Variants in EIF2AK4 observed in about 807,000 individuals in gnomAD.
EIF2AK4 encodes the protein eukaryotic translation initiation factor 2 alpha kinase 4, also known as eIF-2-alpha kinase GCN2.
Under a neutral mutation model 211.1 loss-of-function variants are expected in EIF2AK4, and 139 were observed. The ratio of observed to expected loss-of-function variants is 0.66; its 90% CI spans 0.57 to 0.76. The LOEUF is 0.76. EIF2AK4 is among the 30% of genes least tolerant of loss of function. The pLI is 0.00. For synonymous variants in EIF2AK4, 710 were observed against 751.3 expected (o/e 0.94, Z 0.90); for missense variants, 1,664 against 2,043.8 (o/e 0.81, Z 3.58).
At chr15:40,015,523 CAT>C (rs748239940) in intron 27 of EIF2AK4, among the ~76,000 whole-genome samples, 1 of 152,160 alleles carries the variant, frequency 6.6e-6, no homozygotes, top group South Asian at 2.1e-4. Context: ...GACCCGCCCA[CAT>C]GATTCAGTTA....
At chr15:39,934,901 T>C (rs1179202133) in intron 1 of EIF2AK4, among the ~76,000 whole-genome samples, 1 of 152,186 alleles carries the variant, frequency 6.6e-6, no homozygotes, top group African/African-American at 2.4e-5. Flanking sequence ...CTAAGACATT[T>C]AGCTCAGAAT....
At chr15:39,951,923 G>A (rs1001742789) in intron 4 of EIF2AK4, among the ~76,000 whole-genome samples, 11 of 152,146 alleles carry the variant, frequency 7.2e-5, no homozygotes, top group African/African-American at 2.4e-4. Flanking sequence ...CCTATACTAC[G>A]TTCTATTTGT....
At chr15:39,978,536 A>T (rs1233781113) in intron 13 of EIF2AK4, among the ~76,000 whole-genome samples, 1 of 152,216 alleles carries the variant, frequency 6.6e-6, no homozygotes, top group East Asian at 1.9e-4. Context: ...ACGTCAATTA[A>T]TCTTGATTCC....
At chr15:39,988,249 T>C (rs2034893971) in intron 15 of EIF2AK4, 144 bp downstream of exon 15, 3 of 864,092 alleles carry the variant, frequency 3.5e-6, no homozygotes, top group Non-Finnish European at 5.3e-6. Flanking sequence ...TTGTAGGAAA[T>C]AGAACAAAGT....
chr15:39,943,294 G>C (rs1313681425), intron 2 of EIF2AK4, 89 bp from the exon 3 acceptor site: 5 of 1,020,090 alleles, frequency 4.9e-6, no homozygotes, highest in Non-Finnish European at 6.8e-6. Flanking sequence ...CTTGGGCCCA[G>C]AGTGCTTTCA....
intron 23 of EIF2AK4, among the ~76,000 whole-genome samples, chr15:40,006,783 A>G (rs2035167694): frequency 6.6e-6 from 1 of 152,236 alleles, no homozygotes; most frequent in Admixed American, 6.5e-5. Context: ...GCCACAGTGA[A>G]TAAGGTTGAT....
chr15:40,008,511 C>T (rs1224364492), intron 25 of EIF2AK4, among the ~76,000 whole-genome samples: 1 of 152,122 alleles, frequency 6.6e-6, no homozygotes, highest in Non-Finnish European at 1.5e-5. Context: ...TGGCTCTATC[C>T]TACACCCGAT....
chr15:39,969,174 A>G (rs142095397), intron 9 of EIF2AK4, among the ~76,000 whole-genome samples: 1 of 152,102 alleles, frequency 6.6e-6, no homozygotes, highest in Non-Finnish European at 1.5e-5. Flanking sequence ...TAATTTAGTC[A>G]AGGTTAGCAA....
intron 9 of EIF2AK4, among the ~76,000 whole-genome samples, chr15:39,970,656 G>T (rs1595400823): frequency 6.6e-6 from 1 of 152,090 alleles, no homozygotes; most frequent in Admixed American, 6.6e-5. Flanking sequence ...ATACTATTTT[G>T]TTTGGATGGT....
chr15:40,014,088 G>A (rs1198161995), intron 27 of EIF2AK4, among the ~76,000 whole-genome samples: 3 of 152,260 alleles, frequency 2.0e-5, no homozygotes, highest in Non-Finnish European at 4.4e-5. Context: ...CAGCAGGGCA[G>A]TCAAATCTGA....
chr15:39,973,083 C>T (rs1407491196), intron 10 of EIF2AK4, 69 bp downstream of exon 10: 18 of 1,306,266 alleles, frequency 1.4e-5, no homozygotes, highest in Non-Finnish European at 2.0e-5. Flanking sequence ...TATACATAAA[C>T]CAAAAACTGG....
At chr15:40,029,357 T>C in intron 33 of EIF2AK4, 49 bp from the exon 34 acceptor site, 1 of 1,606,832 alleles carries the variant, frequency 6.2e-7, no homozygotes, top group Non-Finnish European at 8.5e-7. Context: ...TATGTGTTGC[T>C]TGTGCCTTAT....
chr15:39,951,568 A>T (rs1477333431), intron 4 of EIF2AK4: 2 of 328,484 alleles, frequency 6.1e-6, no homozygotes, highest in Admixed American at 8.1e-5. Flanking sequence ...AATTTCTCTC[A>T]CCAGATGCTG....
chr15:40,014,027 G>C (rs758843133), intron 27 of EIF2AK4, among the ~76,000 whole-genome samples: 1 of 152,228 alleles, frequency 6.6e-6, no homozygotes, highest in Non-Finnish European at 1.5e-5. Context: ...TTCCAAATGG[G>C]AGAAATTGGC....
intron 6 of EIF2AK4, among the ~76,000 whole-genome samples, chr15:39,961,142 G>A (rs1158909897): frequency 6.6e-6 from 1 of 152,146 alleles, no homozygotes; most frequent in Non-Finnish European, 1.5e-5. Context: ...GGAGAGGCTG[G>A]GTTTTAAGTG....
Position 40,008,180 on chromosome 15 carries a change from G to A in EIF2AK4, c.3561G>A (p.Glu1187=). 1 of 1,602,026 alleles carries A rather than the reference G, an allele frequency of 6.2e-7. No homozygotes were observed. Among genetic ancestry groups the A allele is most frequent in the South Asian group, 1.1e-5 (1 of 88,126 alleles). The change falls in exon 25 of 39, where the codon GAG becomes GAA. Residue 1187 remains glutamate, a synonymous_variant. Coordinates refer to ENST00000263791, the MANE Select transcript of EIF2AK4 (RefSeq NM_001013703.4). ...IIYTIYEIIQ[E]FPALQERNYS... Reference sequence around the variant, plus strand: ...ACACTATCTATGAAATCATCCAAGAGTTTCCAGCACTTCAGGTTCCTTTCC... The same window carrying A: ...ACACTATCTATGAAATCATCCAAGAATTTCCAGCACTTCAGGTTCCTTTCC...
intron 37 of EIF2AK4, 111 bp from the exon 38 acceptor site, chr15:40,034,215 C>G (rs912776114): frequency 2.5e-6 from 2 of 794,410 alleles, no homozygotes; most frequent in Non-Finnish European, 2.1e-6. Context: ...TACTGATTCT[C>G]CTGGTATACT....
intron 6 of EIF2AK4, among the ~76,000 whole-genome samples, chr15:39,956,869 T>C (rs1323687752): frequency 6.6e-6 from 1 of 152,234 alleles, no homozygotes; most frequent in Non-Finnish European, 1.5e-5. Context: ...TAAACTTCTG[T>C]ATAGTTTGTT....
intron 19 of EIF2AK4, among the ~76,000 whole-genome samples, chr15:39,998,394 G>A (rs1280877376): frequency 1.3e-5 from 2 of 150,432 alleles, no homozygotes; most frequent in Non-Finnish European, 2.9e-5. Context: ...TTTTTTCTCA[G>A]TGAAATTTCC....
Sources: gnomAD v4.1 joint callset for allele counts (sites outside exome capture counted in the v4.1 genomes callset) on GRCh38, gnomAD v4.1.1 for gene constraint, MANE v1.5 for transcripts, NCBI Gene and HGNC (gene_info 2026-07-23, HGNC 2026-07-21) for gene names.